Variants in CCND2 observed in about 807,000 individuals in gnomAD.
CCND2 encodes cyclin D2, also known as G1/S-specific cyclin-D2.
CCND2 carries 6 observed loss-of-function variants against 30.2 expected under a neutral mutation model. The observed-to-expected ratio is 0.20, with a 90% CI of 0.11 to 0.39. The LOEUF (loss-of-function observed/expected upper bound fraction) is 0.39. CCND2 is among the 10% of genes least tolerant of loss of function. The pLI is 1.00. For synonymous variants in CCND2, 150 were observed against 153.1 expected (o/e 0.98, Z 0.15); for missense variants, 235 against 373.4 (o/e 0.63, Z 3.06).
At chr12:4,298,049 G>T (rs1482586507) in intron 4 of CCND2, 2 of 229,434 alleles carry the variant, frequency 8.7e-6, no homozygotes, top group East Asian at 1.0e-4. Flanking sequence ...TCCAGGACCA[G>T]TTTATTGTTA....
At chr12:4,298,630 A>G (rs1864206637) in intron 4 of CCND2, among the ~76,000 whole-genome samples, 1 of 152,232 alleles carries the variant, frequency 6.6e-6, no homozygotes, top group African/African-American at 2.4e-5. Context: ...TTGCACAGTA[A>G]AAGAAACAAA....
At chr12:4,292,196 T>C (rs1192879624) in intron 4 of CCND2, among the ~76,000 whole-genome samples, 1 of 152,196 alleles carries the variant, frequency 6.6e-6, no homozygotes, top group Admixed American at 6.5e-5. Context: ...TATGTATGTA[T>C]GTATGTCTGA....
intron 3 of CCND2, among the ~76,000 whole-genome samples, chr12:4,281,303 C>T (rs144049482): frequency 2.2e-3 from 335 of 152,250 alleles, no homozygotes; most frequent in African/African-American, 7.7e-3. Context: ...ATCCTGGCTG[C>T]GTGGAGTTTT....
chr12:4,291,278 C>G (rs1864098270), intron 4 of CCND2, among the ~76,000 whole-genome samples: 1 of 147,944 alleles, frequency 6.8e-6, no homozygotes, highest in East Asian at 2.1e-4. Flanking sequence ...ATCCATCAGC[C>G]TGTGTTCTCT....
At position 4,290,970 on chromosome 12, in the gene CCND2, C is replaced by T. The variant is rs926864792; in HGVS notation, c.720+1980C>T. On this transcript the variant is annotated intron_variant, in intron 4 of 4. Coordinates refer to ENST00000261254, the MANE Select transcript of CCND2 (RefSeq NM_001759.4). ...CCTCATTTCTATAATGGGCACACGC[C>T]GTGTTTCCTAACTGGGGCTGCCTGT... 6.6e-5 allele frequency among the ~76,000 whole-genome samples: 10 copies of T among 152,134 alleles called. 1 individual carries two copies. Among genetic ancestry groups the T allele is most frequent in the African/African-American group, 2.4e-4 (10 of 41,416 alleles).
At position 4,282,810 on chromosome 12, in the gene CCND2, G is replaced by C. The variant is rs1863967519; in HGVS notation, c.571+3891G>C. On this transcript the variant is annotated intron_variant, in intron 3 of 4. Coordinates refer to ENST00000261254, the MANE Select transcript of CCND2 (RefSeq NM_001759.4). This position sits in a 1 kb window ranked among gnomAD's most constrained non-coding sequence, Gnocchi z 4.3. Reference sequence around the variant, plus strand: ...TGCCATGGCAGCCCTGCCCCACAAGGACAGGGTATGCTGGTCCTCTTATGG... The same window carrying C: ...TGCCATGGCAGCCCTGCCCCACAAGCACAGGGTATGCTGGTCCTCTTATGG... Among the ~76,000 whole-genome samples the C allele has an allele frequency of 6.6e-6, 1 of 152,252 alleles. No individual in the cohort carries two copies. Among genetic ancestry groups the C allele is most frequent in the African/African-American group, 2.4e-5 (1 of 41,472 alleles).
Position 4,293,562 on chromosome 12 carries a change from C to G in CCND2, c.720+4572C>G, listed in dbSNP as rs2120574575. Among the ~76,000 whole-genome samples the G allele has an allele frequency of 6.6e-6, 1 of 152,244 alleles. No homozygotes were observed. The highest frequency in any genetic ancestry group is 6.5e-5 in the Admixed American group (1 of 15,298). On this transcript the variant is annotated intron_variant, in intron 4 of 4. Coordinates refer to ENST00000261254, the MANE Select transcript of CCND2 (RefSeq NM_001759.4). This position sits in a 1 kb window ranked among gnomAD's most constrained non-coding sequence, Gnocchi z 4.9. ...GAGTGTTTCAACTCTCGTCCCTGTC[C>G]CTAGACACATTCTTAAATATTGCCC...
intron 4 of CCND2, among the ~76,000 whole-genome samples, chr12:4,297,053 T>C (rs1864179646): frequency 6.6e-6 from 1 of 152,178 alleles, no homozygotes; most frequent in Admixed American, 6.5e-5. Flanking sequence ...GAGAAAGGGC[T>C]GTCCATGTCT....
rs564904186 is a variant in CCND2, at chr12:4,300,714, T to G, written c.*705T>G. The G allele has an allele frequency of 2.9e-4, 68 of 233,752 alleles. No homozygotes were observed. Among genetic ancestry groups the G allele is most frequent in the East Asian group, 1.5e-3 (25 of 16,582 alleles). The allele number at this position is 233,752 out of a possible 1,614,324, so 14.5% of individuals were successfully genotyped here. On this transcript the variant is annotated 3_prime_UTR_variant, in exon 5 of 5. Coordinates refer to ENST00000261254, the MANE Select transcript of CCND2 (RefSeq NM_001759.4). Reference sequence around the variant, plus strand: ...GTTTCATGTTCTGTGACATCCTGCTTCTTCTTCCAAATGCAGTTCATTGCA... The same window carrying G: ...GTTTCATGTTCTGTGACATCCTGCTGCTTCTTCCAAATGCAGTTCATTGCA...
chr12:4,297,362 G>A (rs556946924), intron 4 of CCND2, among the ~76,000 whole-genome samples: 2 of 152,176 alleles, frequency 1.3e-5, no homozygotes, highest in Admixed American at 1.3e-4. Flanking sequence ...CCTGAGGTCA[G>A]GAGTTCAAGA....
rs569370726 is a variant in CCND2 at position 4,302,463 on chromosome 12, C to T, written c.*2454C>T. 8 of 232,946 alleles carry T rather than the reference C, an allele frequency of 3.4e-5. No individual in the cohort carries two copies. In the South Asian group the frequency reaches 7.2e-4, roughly 21 times the overall value. The allele number at this position is 232,946 out of a possible 1,614,324, so 14.4% of individuals were successfully genotyped here. A position where few individuals can be genotyped will look rare whatever the true frequency, so the allele number is the denominator to read the frequency against. On this transcript the variant is annotated 3_prime_UTR_variant, in exon 5 of 5. Transcript: ENST00000261254. ...CTTTCATCTTGAAGTTTTTCCCCTC[C>T]GTCTTTCCCCTCCCCTGGCATGGAC...
rs529021058 is a variant in CCND2 at position 4,304,792 on chromosome 12, C to T, written c.*4783C>T. The stretch of plus-strand genomic sequence containing the variant: ...CCAATGTCTTTTGACAGGTGCCTGT[C>T]CTTGAAAAACAAAGTTTCTATTTTT... On this transcript the variant is annotated 3_prime_UTR_variant, in exon 5 of 5. Transcript: ENST00000261254. The surrounding 1 kb of genome is among the most constrained non-coding windows in gnomAD (Gnocchi z 6.2). 28 of 233,640 alleles carry T rather than the reference C, an allele frequency of 1.2e-4. No individual in the cohort carries two copies. The highest frequency in any genetic ancestry group is 1.3e-3 in the Middle Eastern group (1 of 784). 14.5% of individuals were successfully genotyped at this position (233,640 alleles called of 1,614,324 possible). A position where few individuals can be genotyped will look rare whatever the true frequency, so the allele number is the denominator to read the frequency against.
intron 3 of CCND2, among the ~76,000 whole-genome samples, 194 bp downstream of exon 3, chr12:4,279,113 C>G (rs1863913079): frequency 6.6e-6 from 1 of 152,170 alleles, no homozygotes; most frequent in Non-Finnish European, 1.5e-5. Context: ...TTCGCTTTCT[C>G]TGCTAAACTC....
intron 4 of CCND2, among the ~76,000 whole-genome samples, chr12:4,295,744 T>C (rs181110946): frequency 3.4e-4 from 52 of 152,328 alleles, no homozygotes; most frequent in African/African-American, 1.2e-3. Context: ...ACCATTGCAC[T>C]CCAGCCTGAG....
Position 4,275,901 on chromosome 12 carries a change from A to T in CCND2, c.196-104A>T, listed in dbSNP as rs75088331. On this transcript the variant is annotated intron_variant, in intron 1 of 4. Transcript: ENST00000261254. ...CCTCCCCCTCCCACAAAAAAAAATT[A>T]ATTTTTTTTGTTTCGATAGATTACG... The T allele has an allele frequency of 8.9e-4, 663 of 742,030 alleles. 6 individuals are homozygous for T. In the African/African-American group the frequency reaches 0.011, roughly 12 times the overall value. 46.0% of individuals were successfully genotyped at this position (742,030 alleles called of 1,614,324 possible). A position where few individuals can be genotyped will look rare whatever the true frequency, so the allele number is the denominator to read the frequency against.
chr12:4,281,576 C>A (rs1041509343), intron 3 of CCND2, among the ~76,000 whole-genome samples: 2 of 151,920 alleles, frequency 1.3e-5, no homozygotes, highest in African/African-American at 4.8e-5. Flanking sequence ...CGTCCTGGAG[C>A]TGATGAAACA....
rs756566814 is a variant in CCND2, at chr12:4,274,100, G to A, written c.60G>A (p.Leu20=). The A allele has an allele frequency of 3.1e-6, 5 of 1,613,914 alleles. No homozygotes were observed. The highest frequency in any genetic ancestry group is 8.5e-7 in the Non-Finnish European group (1 of 1,179,948). ...GCAGGGCCGTGCGGGACCGCAACCT[G>A]CTCCGAGACGACCGCGTCCTGCAGA... ...PVRRAVRDRN[L]LRDDRVLQNL... is the part of the protein sequence containing the mutation. The change falls in exon 1 of 5, where the codon CTG becomes CTA. Residue 20 remains leucine (L), a synonymous_variant. Coordinates refer to ENST00000261254, the MANE Select transcript of CCND2 (RefSeq NM_001759.4). The surrounding 1 kb of genome is among the most constrained non-coding windows in gnomAD (Gnocchi z 7.7).
intron 3 of CCND2, among the ~76,000 whole-genome samples, chr12:4,280,863 G>C (rs1345539721): frequency 6.6e-6 from 1 of 152,238 alleles, no homozygotes; most frequent in Non-Finnish European, 1.5e-5. Flanking sequence ...GATTGGGGTA[G>C]GGGTGCTGGG....
rs370634568 is a variant in CCND2 at position 4,285,464 on chromosome 12, G to A, written c.572-3378G>A. Reference sequence around the variant, plus strand: ...TTTTTATTTGTTAAAATAATATTACGTACAAATTTTACAAACTCATCTGTG... The same window carrying A: ...TTTTTATTTGTTAAAATAATATTACATACAAATTTTACAAACTCATCTGTG... On this transcript the variant is annotated intron_variant, in intron 3 of 4. Transcript: ENST00000261254. This position sits in a 1 kb window ranked among gnomAD's most constrained non-coding sequence, Gnocchi z 4.1. The A allele has an allele frequency of 3.3e-5, 32 of 977,620 alleles. No homozygotes were observed. Among genetic ancestry groups the A allele is most frequent in the African/African-American group, 1.2e-4 (7 of 57,076 alleles). The allele number at this position is 977,620 out of a possible 1,614,324, so 60.6% of individuals were successfully genotyped here.
Sources: allele counts gnomAD v4.1 joint callset (sites outside exome capture counted in the v4.1 genomes callset), GRCh38; gene constraint gnomAD v4.1.1; non-coding constraint Gnocchi (gnomAD v3.1); transcripts MANE v1.5; gene names NCBI Gene and HGNC (gene_info 2026-07-23, HGNC 2026-07-21).